Variants in NAE1 observed in about 807,000 individuals in gnomAD.
The protein encoded by NAE1 is NEDD8 activating enzyme E1 subunit 1.
In NAE1, 59 loss-of-function variants were observed where a neutral mutation model predicts 88.0. The ratio of observed to expected loss-of-function variants is 0.67; its 90% CI spans 0.54 to 0.83. The LOEUF is 0.83. Ranked by LOEUF, NAE1 falls within the 40% of genes least tolerant of loss-of-function variation. The probability of loss-of-function intolerance (pLI) is 0.00; values close to 1 mark genes in which losing one functional copy is unlikely to be tolerated. For missense variants in NAE1, 554 were observed against 632.8 expected (o/e 0.88, Z 1.34); for synonymous variants, 186 against 208.9 (o/e 0.89, Z 0.95).
chr16:66,806,574 G>C (rs375472835), intron 17 of NAE1, among the ~76,000 whole-genome samples: 1 of 152,120 alleles, frequency 6.6e-6, no homozygotes, highest in East Asian at 1.9e-4. Flanking sequence ...ACAGGAGTGC[G>C]CCACCACACA....
intron 14 of NAE1, 126 bp from the exon 15 acceptor site, chr16:66,810,539 T>G (rs1184627849): frequency 8.9e-7 from 1 of 1,127,042 alleles, no homozygotes; most frequent in Non-Finnish European, 1.3e-6. Flanking sequence ...ACTTTAAAAA[T>G]ATCTTGTTTC....
intron 13 of NAE1, among the ~76,000 whole-genome samples, chr16:66,811,788 T>C (rs1409543627): frequency 2.6e-5 from 4 of 152,226 alleles, no homozygotes; most frequent in Admixed American, 2.0e-4. Context: ...AAGGTCATAC[T>C]TCTTTCTATC....
At chr16:66,803,261 C>G in intron 19 of NAE1, 143 bp from the exon 20 acceptor site, 1 of 606,952 alleles carries the variant, frequency 1.6e-6, no homozygotes. Flanking sequence ...CTTACTGAGT[C>G]ATATCAACAT....
At chr16:66,805,750 G>A (rs1355303679) in intron 19 of NAE1, 27 bp downstream of exon 19, 1 of 1,439,128 alleles carries the variant, frequency 6.9e-7, no homozygotes, top group Non-Finnish European at 9.1e-7. Context: ...GTAACAACAG[G>A]TGAGTCTTCT....
At chr16:66,827,131 T>C (rs1960490698) in intron 1 of NAE1, among the ~76,000 whole-genome samples, 1 of 152,160 alleles carries the variant, frequency 6.6e-6, no homozygotes, top group Non-Finnish European at 1.5e-5. Context: ...ATTTCATTTA[T>C]TCTTTGTTTT....
rs1240552837 is a variant in NAE1, at chr16:66,830,975, C to G, written c.-76G>C. The G allele has an allele frequency of 7.4e-7, 1 of 1,347,598 alleles. No individual in the cohort carries two copies. Among genetic ancestry groups the G allele is most frequent in the Non-Finnish European group, 9.8e-7 (1 of 1,022,782 alleles). The allele number at this position is 1,347,598 out of a possible 1,614,324, so 83.5% of individuals were successfully genotyped here. On this transcript the variant is annotated 5_prime_UTR_variant, in exon 1 of 20. Coordinates refer to ENST00000290810, the MANE Select transcript of NAE1 (RefSeq NM_003905.4). ...CCAGCTCCACAAGCGCGCAGGCGCA[C>G]TGAGCGCCCCTTCGCCGCTACCGTC...
intron 1 of NAE1, among the ~76,000 whole-genome samples, chr16:66,828,349 G>T (rs1037542732): frequency 2.0e-5 from 3 of 152,020 alleles, no homozygotes; most frequent in Non-Finnish European, 2.9e-5. Context: ...AAATTAACCA[G>T]GCACAGTGGC....
chr16:66,828,229 G>A (rs1051057149), intron 1 of NAE1: 19 of 566,116 alleles, frequency 3.4e-5, no homozygotes, highest in South Asian at 2.6e-4. Context: ...AGTGGCTCAC[G>A]CCTGTAATCC....
intron 13 of NAE1, 153 bp downstream of exon 13, chr16:66,813,411 G>C (rs759050946): frequency 2.2e-6 from 2 of 922,234 alleles, no homozygotes; most frequent in African/African-American, 3.3e-5. Flanking sequence ...AAAGTGTTGG[G>C]ATTACAGGCA....
Position 66,809,083 on chromosome 16 carries a change from G to T in NAE1, c.1151-8C>A. The T allele has an allele frequency of 6.2e-7, 1 of 1,601,100 alleles. No individual in the cohort carries two copies. The highest frequency in any genetic ancestry group is 8.5e-7 in the Non-Finnish European group (1 of 1,170,926). ...GAAATGCAGAATTGCTGCCTGAACA[G>T]AGGAAAGATATTCTGGAAGTAATGA... On this transcript the variant is annotated splice_polypyrimidine_tract_variant and splice_region_variant and intron_variant, in intron 15 of 19. Transcript: ENST00000290810.
At chr16:66,807,552 A>T (rs950986223) in intron 17 of NAE1, among the ~76,000 whole-genome samples, 3 of 151,960 alleles carry the variant, frequency 2.0e-5, no homozygotes, top group Non-Finnish European at 4.4e-5. Flanking sequence ...AGGCAGGAAA[A>T]CTGCTTAAAC....
chr16:66,803,485 GC>G (rs1264725179), intron 19 of NAE1, among the ~76,000 whole-genome samples: 4 of 151,914 alleles, frequency 2.6e-5, no homozygotes, highest in Non-Finnish European at 4.4e-5. Context: ...ATTAAATATC[GC>G]CAGACCGCTA....
Position 66,813,643 on chromosome 16 carries a change from C to G in NAE1, c.955G>C (p.Gly319Arg), listed in dbSNP as rs763117500. The G allele has an allele frequency of 3.7e-6, 6 of 1,613,894 alleles. No individual in the cohort carries two copies. Among genetic ancestry groups the G allele is most frequent in the Non-Finnish European group, 5.1e-6 (6 of 1,179,898 alleles). ...CCTCGAACAGGTAAATTTCCTTGACCCTCTTTGGCCACAAATTCCTTTAAG... is the reference window on the plus strand; with the variant it reads ...CCTCGAACAGGTAAATTTCCTTGACGCTCTTTGGCCACAAATTCCTTTAAG... ...RALKEFVAKE[G>R]QGNLPVRGTI... The change falls in exon 13 of 20, where the codon GGT becomes CGT. Residue 319 changes from glycine to arginine, a missense_variant. Gly to Arg is a moderately radical substitution (Grantham distance 125). Transcript: ENST00000290810.
chr16:66,824,943 T>G (rs1202556966), intron 3 of NAE1, 58 bp from the exon 4 acceptor site: 1 of 1,455,254 alleles, frequency 6.9e-7, no homozygotes, highest in Non-Finnish European at 9.5e-7. Flanking sequence ...AAAGGAAAAG[T>G]TGTTTGTAAT....
intron 13 of NAE1, 120 bp downstream of exon 13, chr16:66,813,444 T>G: frequency 7.9e-7 from 1 of 1,261,164 alleles, no homozygotes; most frequent in Non-Finnish European, 1.1e-6. Context: ...GCTGGCCTAG[T>G]TTATTTATAA....
At chr16:66,826,435 A>T in intron 3 of NAE1, 88 bp downstream of exon 3, 1 of 1,219,096 alleles carries the variant, frequency 8.2e-7, no homozygotes, top group Non-Finnish European at 1.2e-6. Flanking sequence ...TTCCACTGAG[A>T]GTCGAGTCAC....
intron 13 of NAE1, among the ~76,000 whole-genome samples, chr16:66,812,884 G>A (rs1274835006): frequency 2.1e-5 from 3 of 142,558 alleles, no homozygotes; most frequent in Admixed American, 1.4e-4. Flanking sequence ...GTGCAGTGGT[G>A]CGATCTCCGC....
chr16:66,816,888 C>T, intron 10 of NAE1, 77 bp downstream of exon 10: 1 of 1,540,544 alleles, frequency 6.5e-7, no homozygotes, highest in Non-Finnish European at 8.7e-7. Flanking sequence ...AAGGTGTTAA[C>T]AGAAATCCAA....
intron 1 of NAE1, chr16:66,827,796 T>C: frequency 1.7e-6 from 1 of 586,580 alleles, no homozygotes; most frequent in Non-Finnish European, 3.0e-6. Flanking sequence ...TTAAAGCAGA[T>C]TACCCCTTAT....
Sources: gnomAD v4.1 joint callset for allele counts (sites outside exome capture counted in the v4.1 genomes callset) on GRCh38, gnomAD v4.1.1 for gene constraint, MANE v1.5 for transcripts, NCBI Gene and HGNC (gene_info 2026-07-23, HGNC 2026-07-21) for gene names.